The following C6 variants were observed in gnomAD, a reference collection of about 807,000 sequenced individuals.
C6 encodes the protein complement component C6.
A neutral mutation model predicts 112.9 loss-of-function variants in C6; 101 were observed. That is an observed-to-expected ratio of 0.89 (90% CI 0.76 to 1.06). The LOEUF is 1.06. Among genes scored for constraint, C6 ranks in the 50% least tolerant of loss-of-function variants. C6 has a pLI of 0.00. For missense variants in C6, 1,202 were observed against 1,104.6 expected (o/e 1.09, Z -1.25); for synonymous variants, 431 against 384.1 (o/e 1.12, Z -1.43).
intron 1 of C6, among the ~76,000 whole-genome samples, chr5:41,229,433 C>T (rs1429995429): frequency 1.3e-5 from 2 of 151,552 alleles, no homozygotes; most frequent in Non-Finnish European, 2.9e-5. Context: ...TCTTCTTTGA[C>T]CTGTCAGTTG....
In C6 at chr5:41,158,804, T is replaced by A; in HGVS notation, c.1857-19A>T. 1.5e-6 allele frequency: 2 copies of A among 1,316,908 alleles called. No homozygotes were observed. The highest frequency in any genetic ancestry group is 2.2e-6 in the Non-Finnish European group (2 of 909,384). 81.6% of individuals were successfully genotyped at this position (1,316,908 alleles called of 1,614,324 possible). A position where few individuals can be genotyped will look rare whatever the true frequency, so the allele number is the denominator to read the frequency against. On this transcript the variant is annotated intron_variant, in intron 12 of 17. Coordinates refer to ENST00000337836, the MANE Select transcript of C6 (RefSeq NM_000065.5). ...TTGTCCACTAAAAGGGAAACATAAA[T>A]ATGTGTGTATATGTATGTATGTACA...
intron 12 of C6, 21 bp downstream of exon 12, chr5:41,159,061 T>C: frequency 6.2e-7 from 1 of 1,613,320 alleles, no homozygotes; most frequent in East Asian, 2.2e-5. Flanking sequence ...TGACCCATTC[T>C]TTTCCCTTAC....
chr5:41,242,891 C>G (rs1275615680), intron 1 of C6, among the ~76,000 whole-genome samples: 3 of 64,542 alleles, frequency 4.6e-5, no homozygotes, highest in Admixed American at 2.8e-4. Flanking sequence ...AAGCCAAGTA[C>G]AGTAAAAAAA....
intron 8 of C6, among the ~76,000 whole-genome samples, chr5:41,174,384 A>G (rs1448389867): frequency 6.6e-6 from 1 of 152,204 alleles, no homozygotes; most frequent in African/African-American, 2.4e-5. Flanking sequence ...AGCTACCCTG[A>G]TGCGTAAAAG....
chr5:41,237,039 T>C (rs1368917249), intron 1 of C6, among the ~76,000 whole-genome samples: 1 of 150,274 alleles, frequency 6.7e-6, no homozygotes, highest in East Asian at 2.0e-4. Context: ...AGAAGTTGAA[T>C]ATCTGAATAG....
intron 1 of C6, among the ~76,000 whole-genome samples, chr5:41,242,390 A>G (rs1387081674): frequency 1.3e-5 from 2 of 152,120 alleles, no homozygotes; most frequent in Non-Finnish European, 2.9e-5. Context: ...TTCTGCCATG[A>G]TTGTAAGTTT....
chr5:41,167,794 G>A (rs1748103062), intron 9 of C6, among the ~76,000 whole-genome samples: 1 of 152,142 alleles, frequency 6.6e-6, no homozygotes, highest in Admixed American at 6.6e-5. Flanking sequence ...AATTTATGGT[G>A]AAGCTTGGGA....
chr5:41,254,778 A>G (rs2150442114), intron 1 of C6, among the ~76,000 whole-genome samples: 1 of 152,376 alleles, frequency 6.6e-6, no homozygotes, highest in Admixed American at 6.5e-5. Flanking sequence ...ACTGAAGAAC[A>G]GTTGCAATCC....
chr5:41,219,439 A>G (rs763889588), intron 1 of C6, among the ~76,000 whole-genome samples: 1 of 152,082 alleles, frequency 6.6e-6, no homozygotes, highest in African/African-American at 2.4e-5. Context: ...TCTGGGGTGT[A>G]AGTAGCTAAT....
intron 1 of C6, among the ~76,000 whole-genome samples, chr5:41,258,593 A>G (rs1030656313): frequency 6.6e-6 from 1 of 152,198 alleles, no homozygotes; most frequent in Non-Finnish European, 1.5e-5. Flanking sequence ...ATTTACTTAT[A>G]TTGAACAGGT....
chr5:41,158,073 A>G (rs1258538230), intron 13 of C6, among the ~76,000 whole-genome samples: 1 of 152,198 alleles, frequency 6.6e-6, no homozygotes, highest in Admixed American at 6.6e-5. Context: ...AATAGGAAGC[A>G]TGACTTCTGT....
At chr5:41,167,073 A>C (rs1408477140) in intron 9 of C6, among the ~76,000 whole-genome samples, 1 of 151,854 alleles carries the variant, frequency 6.6e-6, no homozygotes, top group African/African-American at 2.4e-5. Flanking sequence ...TATTTTCTTT[A>C]TCTCTATTAT....
intron 9 of C6, among the ~76,000 whole-genome samples, chr5:41,167,955 T>A (rs1413871726): frequency 6.6e-6 from 1 of 152,124 alleles, no homozygotes; most frequent in Admixed American, 6.6e-5. Context: ...TCTACATGAA[T>A]TTGTGAGGAA....
At chr5:41,234,989 T>C (rs2150417446) in intron 1 of C6, among the ~76,000 whole-genome samples, 1 of 151,994 alleles carries the variant, frequency 6.6e-6, no homozygotes, top group East Asian at 1.9e-4. Context: ...GAAGATGAGA[T>C]TTGGAAAGCA....
chr5:41,195,698 T>C (rs1273505347), intron 5 of C6, 94 bp downstream of exon 5: 4 of 1,316,042 alleles, frequency 3.0e-6, no homozygotes, highest in East Asian at 2.3e-5. Flanking sequence ...AAGAAGTTAA[T>C]GAGGAAGATG....
intron 1 of C6, among the ~76,000 whole-genome samples, chr5:41,235,514 G>A (rs1740235550): frequency 1.4e-5 from 2 of 144,184 alleles, no homozygotes; most frequent in Non-Finnish European, 3.0e-5. Context: ...CTTTGCTATT[G>A]TGAATAATGC....
intron 5 of C6, among the ~76,000 whole-genome samples, chr5:41,187,517 G>A (rs776012942): frequency 6.6e-6 from 1 of 152,062 alleles, no homozygotes; most frequent in Admixed American, 6.6e-5. Flanking sequence ...CAGAAAATTC[G>A]ACCAATTACT....
intron 6 of C6, among the ~76,000 whole-genome samples, chr5:41,184,241 C>T (rs1749589097): frequency 6.6e-6 from 1 of 152,110 alleles, no homozygotes; most frequent in Non-Finnish European, 1.5e-5. Context: ...ACATCATTGT[C>T]TAACTTCAAG....
chr5:41,149,132 G>A (rs1746128773), intron 17 of C6, 109 bp downstream of exon 17: 3 of 1,352,276 alleles, frequency 2.2e-6, no homozygotes, highest in South Asian at 1.2e-5. Context: ...TTTTTACAAT[G>A]AAAAGGAATT....
Sources: allele counts gnomAD v4.1 joint callset (sites outside exome capture counted in the v4.1 genomes callset), GRCh38; gene constraint gnomAD v4.1.1; transcripts MANE v1.5; gene names NCBI Gene and HGNC (gene_info 2026-07-23, HGNC 2026-07-21).